TCF12: variants seen among roughly 807,000 people sequenced by gnomAD.
The protein encoded by TCF12 is transcription factor 12.
In TCF12, 45 loss-of-function variants were observed where a neutral mutation model predicts 86.0. That is an observed-to-expected ratio of 0.52 (90% CI 0.41 to 0.67). The LOEUF (loss-of-function observed/expected upper bound fraction) is 0.67. Among genes scored for constraint, TCF12 ranks in the 30% least tolerant of loss-of-function variants. The pLI is 0.00. For missense variants in TCF12, 881 were observed against 859.9 expected (o/e 1.02, Z -0.31); for synonymous variants, 330 against 299.6 (o/e 1.10, Z -1.05).
At chr15:57,253,686 C>G (rs2060219635) in intron 16 of TCF12, among the ~76,000 whole-genome samples, 1 of 152,174 alleles carries the variant, frequency 6.6e-6, no homozygotes, top group Non-Finnish European at 1.5e-5. Context: ...CTACAGAGAT[C>G]ATTTTTAGCT....
intron 3 of TCF12, among the ~76,000 whole-genome samples, chr15:57,058,855 A>G (rs1289003134): frequency 6.6e-6 from 1 of 152,206 alleles, no homozygotes; most frequent in Non-Finnish European, 1.5e-5. Flanking sequence ...ATGAGTGTCT[A>G]AAATGTGAAA....
chr15:57,110,003 G>A (rs138587854), intron 5 of TCF12, among the ~76,000 whole-genome samples: 6,147 of 152,220 alleles, frequency 0.04, 375 homozygotes, highest in Admixed American at 0.17. Flanking sequence ...ATGAGAAAGT[G>A]TGTAGATCAT....
intron 3 of TCF12, among the ~76,000 whole-genome samples, chr15:56,970,892 A>T (rs541965786): frequency 7.0e-6 from 1 of 142,158 alleles, no homozygotes; most frequent in African/African-American, 2.6e-5. Flanking sequence ...TCTACAAAAA[A>T]TAAAAAAAAA....
At chr15:56,949,205 A>G (rs908385834) in intron 3 of TCF12, among the ~76,000 whole-genome samples, 39 of 152,352 alleles carry the variant, frequency 2.6e-4, no homozygotes, top group African/African-American at 8.9e-4. Context: ...CTGTACGCTA[A>G]TTAAGCACAA....
intron 4 of TCF12, among the ~76,000 whole-genome samples, chr15:57,079,123 A>G (rs532092891): frequency 2.0e-4 from 31 of 152,332 alleles, no homozygotes; most frequent in Admixed American, 1.9e-3. Context: ...TTGAAGTGTA[A>G]TTTTATTTTT....
At chr15:57,064,289 G>A (rs1422393785) in intron 4 of TCF12, among the ~76,000 whole-genome samples, 1 of 152,090 alleles carries the variant, frequency 6.6e-6, no homozygotes, top group Non-Finnish European at 1.5e-5. Context: ...ACATTTCTTA[G>A]TTAACAGTTA....
intron 3 of TCF12, among the ~76,000 whole-genome samples, chr15:56,996,570 A>G (rs1221064454): frequency 2.0e-5 from 3 of 152,186 alleles, no homozygotes; most frequent in African/African-American, 4.8e-5. Flanking sequence ...TCTTCTCAAC[A>G]TTAGCCTTGG....
intron 4 of TCF12, among the ~76,000 whole-genome samples, chr15:57,091,476 T>G (rs1405138394): frequency 6.6e-6 from 1 of 152,172 alleles, no homozygotes; most frequent in Non-Finnish European, 1.5e-5. Flanking sequence ...TAGTAATAGT[T>G]TACAGAATTC....
chr15:57,249,699 CTAAG>C (rs1209302527), intron 13 of TCF12, among the ~76,000 whole-genome samples: 6 of 152,180 alleles, frequency 3.9e-5, no homozygotes. Context: ...CATTAGCTTC[CTAAG>C]TAAGGCAAAT....
At chr15:57,061,768 T>A (rs1270335912) in intron 3 of TCF12, among the ~76,000 whole-genome samples, 7 of 152,232 alleles carry the variant, frequency 4.6e-5, no homozygotes, top group African/African-American at 1.2e-4. Flanking sequence ...AGTGATTTTT[T>A]AAAATACAAC....
intron 5 of TCF12, among the ~76,000 whole-genome samples, chr15:57,113,629 A>G (rs2050644925): frequency 1.3e-5 from 2 of 151,952 alleles, no homozygotes; most frequent in African/African-American, 4.8e-5. Context: ...GCTGGAAGAT[A>G]CAGAACTCCT....
chr15:57,025,018 G>A (rs2065735441), intron 3 of TCF12, among the ~76,000 whole-genome samples: 1 of 151,966 alleles, frequency 6.6e-6, no homozygotes. Context: ...GCATAGCTAT[G>A]ATGGAACAGC....
chr15:56,940,497 C>CT (rs1367166403), intron 3 of TCF12, among the ~76,000 whole-genome samples: 15 of 100,040 alleles, frequency 1.5e-4, no homozygotes, highest in South Asian at 3.3e-4. Context: ...CCTCCTCCTC[C>CT]TCCTTCTTCT....
At chr15:57,152,613 T>G (rs1265081727) in intron 5 of TCF12, among the ~76,000 whole-genome samples, 1 of 150,676 alleles carries the variant, frequency 6.6e-6, no homozygotes, top group Non-Finnish European at 1.5e-5. Context: ...AAGAAATGGG[T>G]GAACTTGAAT....
chr15:56,949,341 A>G (rs1197713857), intron 3 of TCF12, among the ~76,000 whole-genome samples: 17 of 152,232 alleles, frequency 1.1e-4, no homozygotes, highest in African/African-American at 3.9e-4. Context: ...TTTTAAAAAA[A>G]CTTTGTTTTA....
At chr15:56,961,481 C>T (rs1323124095) in intron 3 of TCF12, among the ~76,000 whole-genome samples, 3 of 152,234 alleles carry the variant, frequency 2.0e-5, no homozygotes, top group Middle Eastern at 3.4e-3. Flanking sequence ...AACCGCAAAA[C>T]GATATAGTCC....
At chr15:57,126,985 T>G (rs63009463) in intron 5 of TCF12, among the ~76,000 whole-genome samples, 1 of 58,718 alleles carries the variant, frequency 1.7e-5, no homozygotes, top group African/African-American at 3.1e-5. Context: ...TTTTCTTTTC[T>G]TTTTTTTTTT....
At chr15:57,015,812 T>C (rs183054016) in intron 3 of TCF12, among the ~76,000 whole-genome samples, 7 of 152,344 alleles carry the variant, frequency 4.6e-5, no homozygotes, top group Admixed American at 3.9e-4. Context: ...CTGATTTATA[T>C]CTTACTTGTG....
At chr15:57,104,674 G>C (rs2050011510) in intron 5 of TCF12, among the ~76,000 whole-genome samples, 1 of 151,662 alleles carries the variant, frequency 6.6e-6, no homozygotes, top group Admixed American at 6.6e-5. Flanking sequence ...GACCTCAGGT[G>C]ATCTGATGGC....
Sources: allele counts gnomAD v4.1 joint callset (sites outside exome capture counted in the v4.1 genomes callset), GRCh38; gene constraint gnomAD v4.1.1; transcripts MANE v1.5; gene names NCBI Gene and HGNC (gene_info 2026-07-23, HGNC 2026-07-21).